Variants in EIF2B4 observed in about 807,000 individuals in gnomAD.
EIF2B4 encodes eukaryotic translation initiation factor 2B subunit delta.
A neutral mutation model predicts 66.7 loss-of-function variants in EIF2B4; 34 were observed. That is an observed-to-expected ratio of 0.51 (90% CI 0.39 to 0.68). EIF2B4 has a LOEUF of 0.68. Ranked by LOEUF, EIF2B4 falls within the 30% of genes least tolerant of loss-of-function variation. The pLI is 0.00. For synonymous variants in EIF2B4, 278 were observed against 253.6 expected, an observed-to-expected ratio of 1.10 and a Z score of -0.92; for missense variants, 618 against 657.9, an observed-to-expected ratio of 0.94 and a Z score of 0.66.
intron 11 of EIF2B4, chr2:27,365,143 G>A: frequency 2.3e-6 from 1 of 432,112 alleles, no homozygotes; most frequent in Non-Finnish European, 4.3e-6. Context: ...CACAACCTCT[G>A]CCTCCTGGGT....
Position 27,364,513 on chromosome 2 carries a change from G to A in EIF2B4, c.1459C>T (p.Leu487=), listed in dbSNP as rs1058075. Residue 487 remains leucine (L), a synonymous_variant, in exon 13 of 13, where the codon CTA becomes TTA. Transcript: ENST00000347454. ...TCTGGGGGAGTCACATCATAGACTA[G>A]ATTCAACAACCGTAGGGATGCGTGG... The part of the protein sequence containing the change: ...QNHASLRLLN[L]VYDVTPPELV... 1 of 1,614,210 alleles carries A rather than the reference G, an allele frequency of 6.2e-7. No individual in the cohort carries two copies. Among genetic ancestry groups the A allele is most frequent in the Non-Finnish European group, 8.5e-7 (1 of 1,180,044 alleles).
At position 27,367,218 on chromosome 2, in the gene EIF2B4, C is replaced by T; in HGVS notation, c.886-17G>A. 6.2e-7 allele frequency: 1 copy of T among 1,614,070 alleles called. No individual in the cohort carries two copies. The highest frequency in any genetic ancestry group is 2.2e-5 in the East Asian group (1 of 44,878). ...TGACTTGGCCTAAATGGAGTAAAAT[C>T]CTTAGTGAACAAGAAATGGACACTT... On this transcript the variant is annotated splice_polypyrimidine_tract_variant and intron_variant, in intron 9 of 12. Coordinates refer to ENST00000347454, the MANE Select transcript of EIF2B4 (RefSeq NM_001034116.2).
rs756090304 is a variant in EIF2B4, at chr2:27,368,392, G to A, written c.570C>T (p.Asn190=). 9 of 1,613,856 alleles carry A rather than the reference G, an allele frequency of 5.6e-6. No individual in the cohort carries two copies. In the Admixed American group the frequency reaches 1.3e-4, roughly 24 times the overall value. ...FSHLPQYSRQ[N]SLTQFMSIPS... ...CCTACCTCATAAACTGGGTCAGAGAGTTTTGTCTGCTGTACTGGGGTAGGT... is the reference window on the plus strand; with the variant it reads ...CCTACCTCATAAACTGGGTCAGAGAATTTTGTCTGCTGTACTGGGGTAGGT... The change falls in exon 6 of 13, where the codon AAC becomes AAT. Residue 190 remains asparagine, a synonymous_variant. Coordinates refer to ENST00000347454, the MANE Select transcript of EIF2B4 (RefSeq NM_001034116.2).
At position 27,369,860 on chromosome 2, in the gene EIF2B4, G is replaced by A. The variant is rs1311485314; in HGVS notation, c.75+16C>T. 2 of 1,569,782 alleles carry A rather than the reference G, an allele frequency of 1.3e-6. No individual in the cohort carries two copies. Among genetic ancestry groups the A allele is most frequent in the Non-Finnish European group, 1.7e-6 (2 of 1,157,534 alleles). On this transcript the variant is annotated intron_variant, in intron 2 of 12. Coordinates refer to ENST00000347454, the MANE Select transcript of EIF2B4 (RefSeq NM_001034116.2). ...GTAGCGCTTGGCAGGCGGCTTGGGA[G>A]GGAAGCCTCACTTACCCCAGGCCCA... is the stretch of plus-strand genomic sequence containing the variant.
chr2:27,370,144 G>A, intron 1 of EIF2B4, 140 bp downstream of exon 1: 6 of 1,534,852 alleles, frequency 3.9e-6, no homozygotes, highest in Non-Finnish European at 5.3e-6. Flanking sequence ...GCGCGGGACT[G>A]CGCTCGAGAC....
chr2:27,367,261 A>G, intron 9 of EIF2B4, 60 bp from the exon 10 acceptor site: 1 of 1,612,484 alleles, frequency 6.2e-7, no homozygotes, highest in Non-Finnish European at 8.5e-7. Context: ...TCTGATGATC[A>G]TGCCAGGTGC....
intron 11 of EIF2B4, chr2:27,366,383 A>C: frequency 3.2e-6 from 1 of 315,430 alleles, no homozygotes; most frequent in Non-Finnish European, 6.2e-6. Context: ...TATAATTCTA[A>C]TATTTTTAAA....
rs911189093 is a variant in EIF2B4, at chr2:27,368,227, T to C, written c.591-88A>G. Reference sequence around the variant, plus strand: ...CCTGATGAAAAGGAACTCCCTTCACTAGCAGATTTCCCCACTCCTCTACAG... The same window carrying C: ...CCTGATGAAAAGGAACTCCCTTCACCAGCAGATTTCCCCACTCCTCTACAG... On this transcript the variant is annotated intron_variant, in intron 6 of 12. Coordinates refer to ENST00000347454, the MANE Select transcript of EIF2B4 (RefSeq NM_001034116.2). 3.0e-6 allele frequency: 4 copies of C among 1,322,170 alleles called. No homozygotes were observed. In the Admixed American group the frequency reaches 7.8e-5, roughly 26 times the overall value. The allele number at this position is 1,322,170 out of a possible 1,614,324, so 81.9% of individuals were successfully genotyped here. A position where few individuals can be genotyped will look rare whatever the true frequency, so the allele number is the denominator to read the frequency against.
intron 12 of EIF2B4, 25 bp from the exon 13 acceptor site, chr2:27,364,624 T>C (rs1231837971): frequency 3.4e-5 from 55 of 1,614,098 alleles, no homozygotes; most frequent in Non-Finnish European, 4.4e-5. Context: ...GTACCCATTA[T>C]GTTCTTTCAG....
chr2:27,364,360 G>A lies in EIF2B4; in HGVS notation c.*40C>T, dbSNP rs779368638. ...AAACAAAGGCAGCAGAGTTGCTGAG[G>A]GTAGGGAGTATGGCATTTATTAACC... On this transcript the variant is annotated 3_prime_UTR_variant, in exon 13 of 13. Transcript: ENST00000347454. 12 of 1,597,280 alleles carry A rather than the reference G, an allele frequency of 7.5e-6. No individual in the cohort carries two copies. The highest frequency in any genetic ancestry group is 1.0e-5 in the Non-Finnish European group (12 of 1,167,602).
chr2:27,367,402 TG>T (rs1681940698), intron 9 of EIF2B4, 54 bp downstream of exon 9: 3 of 1,606,144 alleles, frequency 1.9e-6, no homozygotes, highest in Non-Finnish European at 2.6e-6. Context: ...GTTTTTAACA[TG>T]TTTCTTAATT....
At chr2:27,365,351 C>T (rs1380711865) in intron 11 of EIF2B4, among the ~76,000 whole-genome samples, 1 of 151,038 alleles carries the variant, frequency 6.6e-6, no homozygotes, top group Non-Finnish European at 1.5e-5. Context: ...CAGGCGTGAG[C>T]CACTGAGTCC....
At chr2:27,366,119 T>TGCGC (rs1373241671) in intron 11 of EIF2B4, 1 of 114,848 alleles carries the variant, frequency 8.7e-6, no homozygotes, top group East Asian at 2.9e-4. Context: ...TGTGTGTGCG[T>TGCGC]GCGCGCGCGC....
intron 1 of EIF2B4, 42 bp downstream of exon 1, chr2:27,370,242 T>C: frequency 6.5e-7 from 1 of 1,543,240 alleles, no homozygotes; most frequent in Non-Finnish European, 8.7e-7. Flanking sequence ...CCGGAGCTCG[T>C]CGGCTCCGCG....
rs1379501994 is a variant in EIF2B4 at position 27,364,651 on chromosome 2, T to C, written c.1373-52A>G. 5 of 1,614,050 alleles carry C rather than the reference T, an allele frequency of 3.1e-6. No individual in the cohort carries two copies. The Admixed American group carries it at 6.7e-5, about 22-fold the overall frequency. ...TTCTTTCAGAAAAGAAGTTCTAGTT[T>C]ATCCGCCCCTCTCCCTCCCTCTCAA... On this transcript the variant is annotated intron_variant, in intron 12 of 12. Transcript: ENST00000347454.
chr2:27,364,808 G>A lies in EIF2B4; in HGVS notation c.1282C>T (p.Arg428Ter), dbSNP rs1681722803. Residue 428 changes from arginine (R) to a stop codon, truncating the protein, a stop_gained, in exon 12 of 13, where the codon CGA becomes TGA. Coordinates refer to ENST00000347454, the MANE Select transcript of EIF2B4 (RefSeq NM_001034116.2). LOFTEE classifies it high-confidence loss of function. ...ACCAGCACTGGTACATTATGGGCTC[G>A]AGCCACCAGGGCTAACTGTGCTGTC... ...VGTAQLALVA[R>*]AHNVPVLVCC... 4.3e-6 allele frequency: 7 copies of A among 1,614,028 alleles called. No individual in the cohort carries two copies. The highest frequency in any genetic ancestry group is 5.9e-6 in the Non-Finnish European group (7 of 1,180,016).
At chr2:27,368,487 C>T (rs1238593565) in intron 5 of EIF2B4, 24 bp from the exon 6 acceptor site, 2 of 1,599,284 alleles carry the variant, frequency 1.3e-6, no homozygotes, top group Non-Finnish European at 1.7e-6. Context: ...GGGAACAGGA[C>T]CAATGGCCCA....
Position 27,369,442 on chromosome 2 carries a change from G to A in EIF2B4, c.183C>T (p.Gly61=), listed in dbSNP as rs1003373283. 1 of 1,614,122 alleles carries A rather than the reference G, an allele frequency of 6.2e-7. No individual in the cohort carries two copies. The highest frequency in any genetic ancestry group is 1.3e-5 in the African/African-American group (1 of 75,006). ...KEEKGAEPET[G]SAVSAAQCQV... Reference sequence around the variant, plus strand: ...GACATTGGGCTGCAGATACAGCAGAGCCAGTCTCTGGTTCTGCCCCCTTTT... The same window carrying A: ...GACATTGGGCTGCAGATACAGCAGAACCAGTCTCTGGTTCTGCCCCCTTTT... The change falls in exon 3 of 13, where the codon GGC becomes GGT. Residue 61 remains glycine (G), a synonymous_variant. Coordinates refer to ENST00000347454, the MANE Select transcript of EIF2B4 (RefSeq NM_001034116.2).
intron 11 of EIF2B4, 140 bp from the exon 12 acceptor site, chr2:27,365,038 GACA>G (rs1466030863): frequency 3.8e-6 from 3 of 783,600 alleles, no homozygotes; most frequent in African/African-American, 1.8e-5. Flanking sequence ...AACAAAAACA[GACA>G]ACAAGTAATA....
Sources: allele counts gnomAD v4.1 joint callset (sites outside exome capture counted in the v4.1 genomes callset), GRCh38; gene constraint gnomAD v4.1.1; transcripts MANE v1.5; gene names NCBI Gene and HGNC (gene_info 2026-07-23, HGNC 2026-07-21).